The following HECTD2 variants were observed in gnomAD, a reference collection of about 807,000 sequenced individuals.
HECTD2 encodes probable E3 ubiquitin-protein ligase HECTD2.
In HECTD2, 35 loss-of-function variants were observed where a neutral mutation model predicts 103.2. The observed-to-expected ratio is 0.34, with a 90% CI of 0.26 to 0.45. The LOEUF (loss-of-function observed/expected upper bound fraction) is 0.45. Among genes scored for constraint, HECTD2 ranks in the 20% least tolerant of loss-of-function variants. The pLI is 1.00. For missense variants in HECTD2, 596 were observed against 937.4 expected, an observed-to-expected ratio of 0.64 and a Z score of 4.76; for synonymous variants, 281 against 329.9, an observed-to-expected ratio of 0.85 and a Z score of 1.61.
upstream of HECTD2, among the ~76,000 whole-genome samples, chr10:91,409,580 T>C (rs1427132838): frequency 2.7e-5 from 4 of 150,894 alleles, no homozygotes; most frequent in Non-Finnish European, 3.0e-5. Context: ...GAATGGAAAG[T>C]GTGGACTGGC....
At chr10:91,512,114 A>G in intron 20 of HECTD2, 150 bp from the exon 21 acceptor site, 1 of 767,492 alleles carries the variant, frequency 1.3e-6, no homozygotes, top group Non-Finnish European at 2.0e-6. Flanking sequence ...GTACTCAGTA[A>G]ATATCTGTTC....
At chr10:91,489,145 C>A (rs1846371799) in intron 11 of HECTD2, 1 of 152,092 alleles carries the variant, frequency 6.6e-6, no homozygotes, top group Non-Finnish European at 1.5e-5. Flanking sequence ...TATCAAATAT[C>A]TTTTTGTGGA....
At chr10:91,450,106 T>G (rs769639450) in intron 2 of HECTD2, among the ~76,000 whole-genome samples, 13 of 152,196 alleles carry the variant, frequency 8.5e-5, no homozygotes, top group Non-Finnish European at 1.0e-4. Flanking sequence ...GCTGGAGGCA[T>G]CATTGCTACC....
In HECTD2 at chr10:91,410,543, G is replaced by A. The variant is rs1308556658; in HGVS notation, c.105G>A (p.Pro35=). Residue 35 remains proline, a synonymous_variant, in exon 1 of 21, where the codon CCG becomes CCA. Transcript: ENST00000298068. ...AGGAGTCAGAGCGCGAGAAGCTGCC[G>A]CCCATCGTATCGGCGGGCGCCGGCG... ...KGKESEREKL[P]PIVSAGAGAT... 1 of 1,463,098 alleles carries A rather than the reference G, an allele frequency of 6.8e-7. No homozygotes were observed. The highest frequency in any genetic ancestry group is 9.0e-7 in the Non-Finnish European group (1 of 1,108,898). The allele number at this position is 1,463,098 out of a possible 1,614,324, so 90.6% of individuals were successfully genotyped here. A position where few individuals can be genotyped will look rare whatever the true frequency, so the allele number is the denominator to read the frequency against.
At chr10:91,434,565 T>G (rs1844032732) in intron 2 of HECTD2, among the ~76,000 whole-genome samples, 1 of 152,056 alleles carries the variant, frequency 6.6e-6, no homozygotes, top group Non-Finnish European at 1.5e-5. Flanking sequence ...GTTTTATTAT[T>G]TAAATGGTTA....
chr10:91,455,491 G>A (rs991017724), intron 2 of HECTD2, among the ~76,000 whole-genome samples: 5 of 152,128 alleles, frequency 3.3e-5, no homozygotes, highest in African/African-American at 9.7e-5. Flanking sequence ...CAGATGAGTA[G>A]ATTGCAAAAA....
At chr10:91,452,648 A>G (rs1844886804) in intron 2 of HECTD2, among the ~76,000 whole-genome samples, 2 of 152,118 alleles carry the variant, frequency 1.3e-5, no homozygotes, top group Middle Eastern at 3.4e-3. Flanking sequence ...CCCCCTCACC[A>G]TGTGATGCCC....
Position 91,425,314 on chromosome 10 carries a change from A to G in HECTD2, c.172A>G (p.Thr58Ala), listed in dbSNP as rs1228618696. ...LDRGAKGQIS[T>A]FSSFISAVSP... ...CAGAGGAGCCAAAGGCCAAATTTCC[A>G]CTTTCAGCAGTTTTATTTCAGCTGT... Residue 58 changes from threonine (T) to alanine (A), a missense_variant, in exon 2 of 21, where the codon ACT becomes GCT. Around this residue, in one of 4 missense-constraint regions of HECTD2, gnomAD observed 220 missense variants for 233.9 expected, o/e 0.94. Coordinates refer to ENST00000298068, the MANE Select transcript of HECTD2 (RefSeq NM_182765.6). 5 of 1,542,286 alleles carry G rather than the reference A, an allele frequency of 3.2e-6. No individual in the cohort carries two copies. The highest frequency in any genetic ancestry group is 4.4e-6 in the Non-Finnish European group (5 of 1,137,918).
chr10:91,491,355 A>G, intron 12 of HECTD2, 48 bp downstream of exon 12: 1 of 848,060 alleles, frequency 1.2e-6, no homozygotes, highest in Non-Finnish European at 1.8e-6. Flanking sequence ...AAATTCTATA[A>G]TATGATTATT....
intron 18 of HECTD2, among the ~76,000 whole-genome samples, chr10:91,500,237 A>AC (rs1846845824): frequency 6.6e-6 from 1 of 152,158 alleles, no homozygotes; most frequent in South Asian, 2.1e-4. Context: ...TTTTTGGAGA[A>AC]GAGTAATTTG....
chr10:91,487,800 A>G lies in HECTD2; in HGVS notation c.1191+22A>G. 1.6e-6 allele frequency: 2 copies of G among 1,270,054 alleles called. No individual in the cohort carries two copies. Among genetic ancestry groups the G allele is most frequent in the Non-Finnish European group, 2.3e-6 (2 of 876,288 alleles). The allele number at this position is 1,270,054 out of a possible 1,614,324, so 78.7% of individuals were successfully genotyped here. A position where few individuals can be genotyped will look rare whatever the true frequency, so the allele number is the denominator to read the frequency against. ...AAGGGTAAGTCAGCTATAAAAACAT[A>G]TTTATGCTGACTATAATCAGTATAG... On this transcript the variant is annotated intron_variant, in intron 11 of 20. Coordinates refer to ENST00000298068, the MANE Select transcript of HECTD2 (RefSeq NM_182765.6). This position sits in a 1 kb window ranked among gnomAD's most constrained non-coding sequence, Gnocchi z 4.1.
chr10:91,454,679 C>T (rs1264161328), intron 2 of HECTD2, among the ~76,000 whole-genome samples: 1 of 151,978 alleles, frequency 6.6e-6, no homozygotes, highest in Non-Finnish European at 1.5e-5. Context: ...ATTAACTCGT[C>T]ATTTACATTA....
Position 91,460,548 on chromosome 10 carries a change from A to G in HECTD2, c.390A>G (p.Lys130=). ...LPEPILPIQP[K]TVKDFQEDVE... ...AACCTATTCTTCCTATCCAGCCCAA[A>G]ACTGTGAAAGACTTTCAGTAAGTTT... Residue 130 remains lysine (K), a synonymous_variant, in exon 3 of 21, where the codon AAA becomes AAG. Transcript: ENST00000298068. The G allele has an allele frequency of 6.2e-7, 1 of 1,610,310 alleles. No individual in the cohort carries two copies.
At chr10:91,410,107 G>A (rs1842848482), upstream of HECTD2, among the ~76,000 whole-genome samples, 1 of 151,968 alleles carries the variant, frequency 6.6e-6, no homozygotes, top group African/African-American at 2.4e-5. Context: ...CGTCGACCGT[G>A]GCGCCTTCTC....
In HECTD2 at chr10:91,462,111, C is replaced by T. The variant is rs1468614725; in HGVS notation, c.527C>T (p.Ser176Leu). The change falls in exon 5 of 21, where the codon TCA (serine) becomes TTA (leucine). Residue 176 changes from serine (S) to leucine (L), a missense_variant. By Grantham distance (145) the Ser-to-Leu change is moderately radical. Around this residue, in one of 4 missense-constraint regions of HECTD2, gnomAD observed 220 missense variants for 233.9 expected, o/e 0.94. Transcript: ENST00000298068. ...NAAFKKDATA[S>L]FNTIEDSGIN... is the part of the protein sequence containing the mutation. ...AATTTGCAGAAAGATGCCACTGCCT[C>T]ATTTAACACCATTGAAGACTCTGGG... 6.3e-7 allele frequency: 1 copy of T among 1,591,818 alleles called. No homozygotes were observed. Among genetic ancestry groups the T allele is most frequent in the Non-Finnish European group, 8.6e-7 (1 of 1,162,956 alleles).
chr10:91,460,280 C>T, intron 2 of HECTD2, 147 bp from the exon 3 acceptor site: 1 of 671,040 alleles, frequency 1.5e-6, no homozygotes, highest in Non-Finnish European at 2.4e-6. Context: ...AAATGTCCTT[C>T]ACTATGGTTG....
chr10:91,484,395 T>A (rs747373921), intron 8 of HECTD2, 112 bp from the exon 9 acceptor site: 2 of 1,442,928 alleles, frequency 1.4e-6, no homozygotes, highest in Non-Finnish European at 1.9e-6. Context: ...AAATAGAATT[T>A]GGGGGAATAG....
chr10:91,422,417 G>A (rs1349858204), intron 1 of HECTD2, among the ~76,000 whole-genome samples: 1 of 152,038 alleles, frequency 6.6e-6, no homozygotes, highest in African/African-American at 2.4e-5. Context: ...ATACAAGCAC[G>A]GCTAACCTTA....
intron 1 of HECTD2, among the ~76,000 whole-genome samples, chr10:91,418,242 A>G (rs1048877946): frequency 1.3e-5 from 2 of 152,210 alleles, no homozygotes; most frequent in African/African-American, 4.8e-5. Flanking sequence ...ATCAAATTGC[A>G]TATTTTAAAA....
Sources: gnomAD v4.1 joint callset for allele counts (sites outside exome capture counted in the v4.1 genomes callset) on GRCh38, gnomAD v4.1.1 for gene constraint, gnomAD v4.1.1 regional missense constraint, Gnocchi (gnomAD v3.1) non-coding constraint, MANE v1.5 for transcripts, NCBI Gene and HGNC (gene_info 2026-07-23, HGNC 2026-07-21) for gene names.